MAGI2: variants seen among roughly 807,000 people sequenced by gnomAD.
The protein encoded by MAGI2 is membrane associated guanylate kinase, WW and PDZ domain containing 2.
A neutral mutation model predicts 133.3 loss-of-function variants in MAGI2; 35 were observed. The ratio of observed to expected loss-of-function variants is 0.26; its 90% confidence interval spans 0.20 to 0.35. The LOEUF is 0.35. Among genes scored for constraint, MAGI2 ranks in the 10% least tolerant of loss-of-function variants. MAGI2 has a pLI of 1.00. For synonymous variants in MAGI2, 729 were observed against 710.6 expected, an observed-to-expected ratio of 1.03 and a Z score of -0.41; for missense variants, 1,636 against 1,863.4, an observed-to-expected ratio of 0.88 and a Z score of 2.25.
chr7:78,095,370 G>A (rs1817601222), intron 20 of MAGI2, among the ~76,000 whole-genome samples: 1 of 152,132 alleles, frequency 6.6e-6, no homozygotes, highest in Non-Finnish European at 1.5e-5. Flanking sequence ...TTCAGTAGGG[G>A]TCACTTTAGT....
At chr7:79,067,328 T>C (rs1235883035) in intron 1 of MAGI2, among the ~76,000 whole-genome samples, 1 of 152,192 alleles carries the variant, frequency 6.6e-6, no homozygotes, top group Non-Finnish European at 1.5e-5. Flanking sequence ...ACATCCCTTG[T>C]AAGTTGTATT....
chr7:78,714,726 A>G (rs1819537122), intron 2 of MAGI2, among the ~76,000 whole-genome samples: 1 of 152,204 alleles, frequency 6.6e-6, no homozygotes, highest in Admixed American at 6.5e-5. Flanking sequence ...TAAGAAGCAT[A>G]TGAGGAATTT....
At chr7:79,159,532 A>AAAG (rs1233604148) in intron 1 of MAGI2, among the ~76,000 whole-genome samples, 3 of 151,214 alleles carry the variant, frequency 2.0e-5, no homozygotes, top group African/African-American at 7.3e-5. Context: ...AAAAAAAAAA[A>AAAG]AAGAAGAAGA....
chr7:78,508,701 G>T (rs1795309219), intron 4 of MAGI2, among the ~76,000 whole-genome samples: 2 of 152,056 alleles, frequency 1.3e-5, no homozygotes, highest in South Asian at 4.1e-4. Flanking sequence ...TCAGATCTGT[G>T]GTTTGAGAAT....
At chr7:78,340,454 T>C (rs1355280425) in intron 9 of MAGI2, among the ~76,000 whole-genome samples, 1 of 152,240 alleles carries the variant, frequency 6.6e-6, no homozygotes. Context: ...TAACTCATTT[T>C]ATGATGCCAG....
chr7:79,065,683 G>C (rs566570451), intron 1 of MAGI2, among the ~76,000 whole-genome samples: 1 of 151,998 alleles, frequency 6.6e-6, no homozygotes, highest in African/African-American at 2.4e-5. Context: ...TCTACATTAA[G>C]TATTTCTCCT....
intron 2 of MAGI2, among the ~76,000 whole-genome samples, chr7:78,825,001 G>T (rs896063816): frequency 1.3e-5 from 2 of 152,090 alleles, no homozygotes; most frequent in Admixed American, 1.3e-4. Flanking sequence ...TCACTCATAA[G>T]TGGGAGTTGA....
At chr7:78,655,130 T>G (rs1238368410) in intron 2 of MAGI2, among the ~76,000 whole-genome samples, 1 of 151,518 alleles carries the variant, frequency 6.6e-6, no homozygotes, top group East Asian at 1.9e-4. Flanking sequence ...CCCACAAAAA[T>G]TAAAAATTTT....
chr7:78,753,922 A>G (rs531038119), intron 2 of MAGI2, among the ~76,000 whole-genome samples: 22 of 152,242 alleles, frequency 1.4e-4, no homozygotes, highest in African/African-American at 5.3e-4. Context: ...TATACCTAGT[A>G]AAAGTATCCT....
chr7:78,537,916 GA>G (rs1375690515), intron 3 of MAGI2, among the ~76,000 whole-genome samples: 1 of 152,128 alleles, frequency 6.6e-6, no homozygotes, highest in Non-Finnish European at 1.5e-5. Flanking sequence ...GTCTTTGCCT[GA>G]GTCAATGTCT....
chr7:79,421,516 GA>G (rs2129179948), intron 1 of MAGI2, among the ~76,000 whole-genome samples: 1 of 151,850 alleles, frequency 6.6e-6, no homozygotes, highest in East Asian at 1.9e-4. Flanking sequence ...AATAATGAAG[GA>G]ATTAAACTTA....
chr7:79,186,902 G>T (rs974419756), intron 1 of MAGI2, among the ~76,000 whole-genome samples: 3 of 150,430 alleles, frequency 2.0e-5, no homozygotes, highest in African/African-American at 7.3e-5. Flanking sequence ...TAAATATTTT[G>T]AAATATGATG....
intron 9 of MAGI2, among the ~76,000 whole-genome samples, chr7:78,281,211 T>C (rs1795539507): frequency 6.6e-6 from 1 of 152,182 alleles, no homozygotes; most frequent in Admixed American, 6.6e-5. Flanking sequence ...TTGTTATTCA[T>C]TCATGATCTA....
chr7:78,698,783 C>T (rs900223750), intron 2 of MAGI2, among the ~76,000 whole-genome samples: 13 of 152,072 alleles, frequency 8.5e-5, no homozygotes, highest in East Asian at 2.0e-4. Flanking sequence ...TCAAACAAAG[C>T]GGAGGGAAAG....
chr7:78,793,841 T>C (rs1462177493), intron 2 of MAGI2, among the ~76,000 whole-genome samples: 1 of 152,204 alleles, frequency 6.6e-6, no homozygotes, highest in Non-Finnish European at 1.5e-5. Flanking sequence ...TGATCGTATA[T>C]CTCATGTACT....
At chr7:78,198,011 T>G (rs1055508236) in intron 11 of MAGI2, among the ~76,000 whole-genome samples, 1 of 152,222 alleles carries the variant, frequency 6.6e-6, no homozygotes, top group Non-Finnish European at 1.5e-5. Context: ...CCTGGGATAC[T>G]CACTGTGTGC....
At chr7:78,791,014 A>T (rs1467724762) in intron 2 of MAGI2, among the ~76,000 whole-genome samples, 1 of 152,222 alleles carries the variant, frequency 6.6e-6, no homozygotes. Context: ...GATTAAATGA[A>T]ATAAACTCAG....
At chr7:78,890,944 T>A (rs1796692850) in intron 2 of MAGI2, among the ~76,000 whole-genome samples, 1 of 151,984 alleles carries the variant, frequency 6.6e-6, no homozygotes, top group Admixed American at 6.6e-5. Context: ...CAGGACCTGG[T>A]TTTTTGAAAA....
intron 2 of MAGI2, among the ~76,000 whole-genome samples, chr7:78,984,138 C>T (rs1033432509): frequency 1.3e-5 from 2 of 151,946 alleles, no homozygotes; most frequent in Non-Finnish European, 2.9e-5. Context: ...ACTCAACATC[C>T]AGCCCATCAG....
Sources: gnomAD v4.1 joint callset for allele counts (sites outside exome capture counted in the v4.1 genomes callset) on GRCh38, gnomAD v4.1.1 for gene constraint, MANE v1.5 for transcripts, NCBI Gene and HGNC (gene_info 2026-07-23, HGNC 2026-07-21) for gene names.